AHDC1: variants seen among roughly 807,000 people sequenced by gnomAD.
AHDC1 encodes transcription factor Gibbin.
A neutral mutation model predicts 87.9 loss-of-function variants in AHDC1; 7 were observed. The observed-to-expected ratio is 0.08, with a 90% confidence interval of 0.05 to 0.15. The LOEUF is 0.15. AHDC1 is among the 10% of genes least tolerant of loss of function. The pLI is 1.00. For missense variants in AHDC1, 1,841 were observed against 2,253.2 expected (o/e 0.82, Z 3.70); for synonymous variants, 1,051 against 1,006.8 (o/e 1.04, Z -0.83).
chr1:27,585,877 C>T (rs772121775), intron 3 of AHDC1, among the ~76,000 whole-genome samples: 10 of 152,224 alleles, frequency 6.6e-5, no homozygotes, highest in Non-Finnish European at 1.5e-4. Flanking sequence ...GGGCAAGTTA[C>T]TTAGCCTCTC....
intron 3 of AHDC1, among the ~76,000 whole-genome samples, chr1:27,592,727 G>C (rs2089260574): frequency 6.6e-6 from 1 of 152,184 alleles, no homozygotes; most frequent in Non-Finnish European, 1.5e-5. Flanking sequence ...AAAATGGAGG[G>C]GCCGGAACGC....
rs1313975614 is a variant in AHDC1 at position 27,558,808 on chromosome 1, G to A, written c.-553C>T. 1.3e-5 allele frequency: 5 copies of A among 398,516 alleles called. No individual in the cohort carries two copies. The highest frequency in any genetic ancestry group is 2.2e-5 in the Non-Finnish European group (5 of 226,088). The allele number at this position is 398,516 out of a possible 1,614,324, so 24.7% of individuals were successfully genotyped here. ...ACGGCCTGAGCGTCGCCCCGCACTC[G>A]GGGCCCTCTGCACACGCTCAACTGG... On this transcript the variant is annotated 5_prime_UTR_variant, in exon 4 of 9. The change creates a premature stop within an existing upstream ORF in the 5' untranslated region. Transcript: ENST00000673934. This position sits in a 1 kb window ranked among gnomAD's most constrained non-coding sequence, Gnocchi z 5.6.
At chr1:27,584,151 G>C (rs564344397) in intron 3 of AHDC1, among the ~76,000 whole-genome samples, 3 of 152,346 alleles carry the variant, frequency 2.0e-5, no homozygotes, top group East Asian at 1.9e-4. Flanking sequence ...CCCAGAGAGG[G>C]AAAGCAGCTC....
At position 27,558,958 on chromosome 1, in the gene AHDC1, G is replaced by A. The variant is rs1171540457; in HGVS notation, c.-628-75C>T. 14 of 398,248 alleles carry A rather than the reference G, an allele frequency of 3.5e-5. No homozygotes were observed. Among genetic ancestry groups the A allele is most frequent in the East Asian group, 1.4e-4 (4 of 28,078 alleles). 24.7% of individuals were successfully genotyped at this position (398,248 alleles called of 1,614,324 possible). A position where few individuals can be genotyped will look rare whatever the true frequency, so the allele number is the denominator to read the frequency against. Reference sequence around the variant, plus strand: ...GCCAGCCAGACAGCAGGGTGCAGGCGGACACTGAGCCAGGAAGCTCTCCTA... The same window carrying A: ...GCCAGCCAGACAGCAGGGTGCAGGCAGACACTGAGCCAGGAAGCTCTCCTA... On this transcript the variant is annotated intron_variant, in intron 3 of 8. Transcript: ENST00000673934. The surrounding 1 kb of genome is among the most constrained non-coding windows in gnomAD (Gnocchi z 5.6).
chr1:27,576,480 A>G (rs932706521), intron 3 of AHDC1, among the ~76,000 whole-genome samples: 3 of 152,326 alleles, frequency 2.0e-5, no homozygotes, highest in African/African-American at 7.2e-5. Context: ...CGCTAACTCA[A>G]TTATAAGGCC....
Position 27,549,077 on chromosome 1 carries a change from G to T in AHDC1, c.3039C>A (p.Ser1013Arg), listed in dbSNP as rs777231443. 3 of 1,561,192 alleles carry T rather than the reference G, an allele frequency of 1.9e-6. No individual in the cohort carries two copies. The South Asian group carries it at 3.6e-5, about 19-fold the overall frequency. The change falls in exon 8 of 9, where the codon AGC (serine) becomes AGA (arginine). Residue 1013 changes from serine to arginine, a missense_variant. This residue lies in a region of AHDC1 where 378 missense variants were observed against 399.0 expected (regional missense o/e 0.95). Transcript: ENST00000673934. ...GSGNSLPASPSSAHSAGYAPP... is the reference protein window; with the variant it reads ...GSGNSLPASPRSAHSAGYAPP... ...GGGCATAGCCGGCGCTGTGGGCGCT[G>T]CTGGGTGAGGCAGGGAGGCTGTTGC...
intron 3 of AHDC1, among the ~76,000 whole-genome samples, chr1:27,570,225 C>T (rs984160154): frequency 2.0e-5 from 3 of 152,038 alleles, no homozygotes; most frequent in Non-Finnish European, 2.9e-5. Context: ...GATCAGATAC[C>T]TCCGCCCAAG....
intron 3 of AHDC1, among the ~76,000 whole-genome samples, chr1:27,579,581 G>C (rs2088853602): frequency 1.3e-5 from 2 of 150,320 alleles, no homozygotes; most frequent in African/African-American, 5.0e-5. Context: ...TGTCAACATT[G>C]TTTGCTTAGA....
At chr1:27,582,144 G>A (rs887021156) in intron 3 of AHDC1, among the ~76,000 whole-genome samples, 1 of 152,144 alleles carries the variant, frequency 6.6e-6, no homozygotes, top group African/African-American at 2.4e-5. Context: ...ACCCACCTCG[G>A]CACTGCCCAC....
At chr1:27,586,817 C>T (rs905412190) in intron 3 of AHDC1, among the ~76,000 whole-genome samples, 2 of 152,206 alleles carry the variant, frequency 1.3e-5, no homozygotes, top group African/African-American at 4.8e-5. Context: ...GTCCTGACAC[C>T]CTCTAGGTCG....
intron 3 of AHDC1, among the ~76,000 whole-genome samples, chr1:27,579,282 AC>A (rs1219145491): frequency 6.6e-6 from 1 of 152,010 alleles, no homozygotes; most frequent in Non-Finnish European, 1.5e-5. Context: ...CTGGCTTTGG[AC>A]TAAAGCTTTG....
rs1168421649 is a variant in AHDC1, at chr1:27,550,869, A to AGGG, written c.1244_1246dup (p.Pro415dup). The AGGG allele has an allele frequency of 6.3e-7, 1 of 1,581,104 alleles. No individual in the cohort carries two copies. Among genetic ancestry groups the AGGG allele is most frequent in the Non-Finnish European group, 8.6e-7 (1 of 1,168,396 alleles). On this transcript the variant is annotated inframe_insertion, in exon 8 of 9. Coordinates refer to ENST00000673934, the MANE Select transcript of AHDC1 (RefSeq NM_001371928.1). ...AGCCACCAGCCCCGTGGGCATAGGC[A>AGGG]GGGGCAGTAGGCGGCCCTCGGGTCC... is the stretch of plus-strand genomic sequence containing the variant.
At position 27,598,369 on chromosome 1, in the gene AHDC1, C is replaced by G. The variant is rs1439614273; in HGVS notation, c.-629+5028G>C. 6.6e-6 allele frequency among the ~76,000 whole-genome samples: 1 copy of G among 152,222 alleles called. No individual in the cohort carries two copies. Among genetic ancestry groups the G allele is most frequent in the Non-Finnish European group, 1.5e-5 (1 of 68,028 alleles). On this transcript the variant is annotated intron_variant, in intron 3 of 8. Transcript: ENST00000673934. The surrounding 1 kb of genome is among the most constrained non-coding windows in gnomAD (Gnocchi z 4.2). Reference sequence around the variant, plus strand: ...TTTACTCTCACTTCACCATTGCCCCCGGAGCCAGGCCCTGCAGGAGAGGGA... The same window carrying G: ...TTTACTCTCACTTCACCATTGCCCCGGGAGCCAGGCCCTGCAGGAGAGGGA...
chr1:27,552,223 G>T, intron 7 of AHDC1, 34 bp from the exon 8 acceptor site: 1 of 1,415,722 alleles, frequency 7.1e-7, no homozygotes, highest in South Asian at 1.6e-5. Context: ...GTCCCTTACT[G>T]AACACCTACA....
chr1:27,538,238 C>G (rs888563423), intron 8 of AHDC1, among the ~76,000 whole-genome samples: 1 of 151,538 alleles, frequency 6.6e-6, no homozygotes, highest in African/African-American at 2.4e-5. Context: ...CCCGTCTCTA[C>G]AAAAAATACA....
intron 3 of AHDC1, among the ~76,000 whole-genome samples, chr1:27,580,984 G>A (rs879325390): frequency 2.6e-5 from 4 of 152,148 alleles, no homozygotes; most frequent in African/African-American, 7.2e-5. Flanking sequence ...ACAGGTGCAT[G>A]CCACCATGCC....
At chr1:27,572,462 C>T (rs1172321817) in intron 3 of AHDC1, among the ~76,000 whole-genome samples, 1 of 152,136 alleles carries the variant, frequency 6.6e-6, no homozygotes, top group Non-Finnish European at 1.5e-5. Flanking sequence ...GATAGCAGCC[C>T]AAACGGCCAG....
At chr1:27,591,258 C>G (rs928883629) in intron 3 of AHDC1, among the ~76,000 whole-genome samples, 1 of 152,220 alleles carries the variant, frequency 6.6e-6, no homozygotes, top group Non-Finnish European at 1.5e-5. Context: ...AGGGAGGAAA[C>G]TAGGCTGGTG....
At chr1:27,543,077 G>A (rs1390342296) in intron 8 of AHDC1, among the ~76,000 whole-genome samples, 1 of 152,248 alleles carries the variant, frequency 6.6e-6, no homozygotes, top group Non-Finnish European at 1.5e-5. Context: ...GGGCATGCCT[G>A]CTGACCCCGG....
Sources: gnomAD v4.1 joint callset for allele counts (sites outside exome capture counted in the v4.1 genomes callset) on GRCh38, gnomAD v4.1.1 for gene constraint, gnomAD v4.1.1 regional missense constraint, Gnocchi (gnomAD v3.1) non-coding constraint, MANE v1.5 for transcripts, NCBI Gene and HGNC (gene_info 2026-07-23, HGNC 2026-07-21) for gene names.